SRSF4: variants seen among roughly 807,000 people sequenced by gnomAD.
The protein encoded by SRSF4 is serine/arginine-rich splicing factor 4.
SRSF4 carries 12 observed loss-of-function variants against 48.8 expected under a neutral mutation model. That is an observed-to-expected ratio of 0.25 (90% CI 0.16 to 0.40). The LOEUF is 0.40. Among genes scored for constraint, SRSF4 ranks in the 10% least tolerant of loss-of-function variants. The probability of loss-of-function intolerance (pLI) is 1.00; values close to 1 mark genes in which losing one functional copy is unlikely to be tolerated. For missense variants in SRSF4, 466 were observed against 667.1 expected (o/e 0.70, Z 3.32); for synonymous variants, 248 against 232.5 (o/e 1.07, Z -0.61).
intron 1 of SRSF4, among the ~76,000 whole-genome samples, chr1:29,177,967 T>A (rs1672894947): frequency 6.9e-6 from 1 of 144,828 alleles, no homozygotes; most frequent in South Asian, 2.3e-4. Flanking sequence ...TGATGCAATC[T>A]CTGCTCACTG....
chr1:29,181,139 C>T (rs1672948948), intron 1 of SRSF4, among the ~76,000 whole-genome samples: 1 of 152,272 alleles, frequency 6.6e-6, no homozygotes, highest in African/African-American at 2.4e-5. Context: ...AAAAGCGTGG[C>T]ACACGGCTAA....
chr1:29,150,741 T>G (rs1307338869), intron 4 of SRSF4, among the ~76,000 whole-genome samples: 3 of 152,184 alleles, frequency 2.0e-5, no homozygotes, highest in Non-Finnish European at 4.4e-5. Flanking sequence ...GCTCCTTATG[T>G]GCACTGATGC....
Position 29,148,822 on chromosome 1 carries a change from T to G in SRSF4, c.1073A>C (p.Lys358Thr). ...ACTGCGGCTCTCCTCTCTGCTTCTCTTCCTGCCCTTCCTCTTGTCCTTGCT... is the reference window on the plus strand; with the variant it reads ...ACTGCGGCTCTCCTCTCTGCTTCTCGTCCTGCCCTTCCTCTTGTCCTTGCT... Reference protein sequence around the residue: ...SKSKDKRKGRKRSREESRSRS... With the variant: ...SKSKDKRKGRTRSREESRSRS... Residue 358 changes from lysine (K) to threonine (T), a missense_variant, in exon 6 of 6, where the codon AAG becomes ACG. Lys to Thr is a moderately conservative substitution (Grantham distance 78, BLOSUM62 -1). Transcript: ENST00000373795. 6.2e-7 allele frequency: 1 copy of G among 1,608,472 alleles called. No individual in the cohort carries two copies. The highest frequency in any genetic ancestry group is 2.2e-5 in the East Asian group (1 of 44,758).
In SRSF4 at chr1:29,150,093, G is replaced by C; in HGVS notation, c.668+10C>G. The C allele has an allele frequency of 1.3e-6, 2 of 1,554,948 alleles. No homozygotes were observed. Among genetic ancestry groups the C allele is most frequent in the Non-Finnish European group, 1.7e-6 (2 of 1,151,194 alleles). On this transcript the variant is annotated intron_variant, in intron 5 of 5. Transcript: ENST00000373795. Reference sequence around the variant, plus strand: ...GCTGACCACCTCTACTTATAACATGGAAGACATACCTGGACCGAGATCTAC... The same window carrying C: ...GCTGACCACCTCTACTTATAACATGCAAGACATACCTGGACCGAGATCTAC...
intron 1 of SRSF4, among the ~76,000 whole-genome samples, chr1:29,176,434 C>A (rs1038012326): frequency 1.3e-5 from 2 of 148,568 alleles, no homozygotes; most frequent in South Asian, 4.2e-4. Flanking sequence ...AATACGGTAA[C>A]GATGAATGAC....
In SRSF4 at chr1:29,148,303, A is replaced by C. The variant is rs1574186371; in HGVS notation, c.*107T>G. ...ACAATTATAGACACACCATTAGGGG[A>C]GTTAAAAATGTACAGCAGTGACATG... On this transcript the variant is annotated 3_prime_UTR_variant, in exon 6 of 6. Transcript: ENST00000373795. 2 of 1,381,810 alleles carry C rather than the reference A, an allele frequency of 1.4e-6. No homozygotes were observed. The highest frequency in any genetic ancestry group is 4.6e-5 in the East Asian group (2 of 43,426). The allele number at this position is 1,381,810 out of a possible 1,614,324, so 85.6% of individuals were successfully genotyped here. A position where few individuals can be genotyped will look rare whatever the true frequency, so the allele number is the denominator to read the frequency against.
chr1:29,180,209 C>G (rs1672933711), intron 1 of SRSF4, among the ~76,000 whole-genome samples: 1 of 152,174 alleles, frequency 6.6e-6, no homozygotes, highest in Non-Finnish European at 1.5e-5. Flanking sequence ...CACACTTTGT[C>G]CACAAAAGTT....
In SRSF4 at chr1:29,148,779, G is replaced by GCTGCGGCTGCGACTGCGA. The variant is rs776957981; in HGVS notation, c.1098_1115dup (p.Arg367_Ser372dup). 5.6e-6 allele frequency: 9 copies of GCTGCGGCTGCGACTGCGA among 1,613,314 alleles called. No homozygotes were observed. The East Asian group carries it at 1.8e-4, about 32-fold the overall frequency. ...CTCGCTTTCTGCTCCTCTCACTCTT[G>GCTGCGGCTGCGACTGCGA]CTGCGGCTGCGACTGCGACTGCGGC... On this transcript the variant is annotated inframe_insertion, in exon 6 of 6. Transcript: ENST00000373795.
chr1:29,149,687 G>GAAA (rs539756933), intron 5 of SRSF4, among the ~76,000 whole-genome samples: 9 of 92,564 alleles, frequency 9.7e-5, no homozygotes, highest in South Asian at 4.2e-4. Context: ...TCTTGAGGGG[G>GAAA]GAAAAAAAAA....
chr1:29,152,922 C>CAA lies in SRSF4; in HGVS notation c.578+1772_578+1773dup, dbSNP rs35153002. 1.1e-3 allele frequency among the ~76,000 whole-genome samples: 150 copies of CAA among 141,314 alleles called. 1 individual carries two copies. Among genetic ancestry groups the CAA allele is most frequent in the South Asian group, 1.8e-3 (8 of 4,404 alleles). The allele number at this position is 141,314 out of a possible 152,430, so 92.7% of individuals were successfully genotyped here. A position where few individuals can be genotyped will look rare whatever the true frequency, so the allele number is the denominator to read the frequency against. On this transcript the variant is annotated intron_variant, in intron 4 of 5. Transcript: ENST00000373795. ...TGACAGAGTGAAAGAAACTCCGTCT[C>CAA]AAAAAAAAAAAAAGAAAGAAAGAAA...
At chr1:29,165,200 G>A (rs1421124114) in intron 1 of SRSF4, among the ~76,000 whole-genome samples, 1 of 152,162 alleles carries the variant, frequency 6.6e-6, no homozygotes, top group Non-Finnish European at 1.5e-5. Flanking sequence ...GGCACCATGA[G>A]TCTTACCAAG....
chr1:29,171,995 C>T (rs1672751436), intron 1 of SRSF4: 1 of 152,132 alleles, frequency 6.6e-6, no homozygotes. Context: ...GCAATTTACG[C>T]TGTTAACATT....
Position 29,147,837 on chromosome 1 carries a change from TTTTC to T in SRSF4, c.*569_*572del, listed in dbSNP as rs1165422159. Reference sequence around the variant, plus strand: ...GGAAAAATAAAATTAAAAAAAATTCTTTTCTTTTCTTTTTTAATATAAAACAATA... The same window carrying T: ...GGAAAAATAAAATTAAAAAAAATTCTTTTTCTTTTTTAATATAAAACAATA... On this transcript the variant is annotated 3_prime_UTR_variant, in exon 6 of 6. Coordinates refer to ENST00000373795, the MANE Select transcript of SRSF4 (RefSeq NM_005626.5). 2 of 176,118 alleles carry T rather than the reference TTTTC, an allele frequency of 1.1e-5. No homozygotes were observed. The highest frequency in any genetic ancestry group is 2.4e-5 in the African/African-American group (1 of 42,028). The allele number at this position is 176,118 out of a possible 1,614,324, so 10.9% of individuals were successfully genotyped here.
chr1:29,178,750 G>A (rs535597275), intron 1 of SRSF4, among the ~76,000 whole-genome samples: 2 of 152,272 alleles, frequency 1.3e-5, no homozygotes, highest in Middle Eastern at 3.4e-3. Context: ...GCTTACATAC[G>A]TAGCTAAGTT....
At chr1:29,165,588 A>G (rs1672659037) in intron 1 of SRSF4, among the ~76,000 whole-genome samples, 1 of 152,238 alleles carries the variant, frequency 6.6e-6, no homozygotes, top group Admixed American at 6.5e-5. Flanking sequence ...TCTTTTCAGA[A>G]CAGCTTAGGG....
At chr1:29,156,888 T>A (rs1356614827) in intron 3 of SRSF4, among the ~76,000 whole-genome samples, 2 of 152,210 alleles carry the variant, frequency 1.3e-5, no homozygotes, top group African/African-American at 4.8e-5. Context: ...GTCTCCACAC[T>A]ATTTACTGAG....
rs534551517 is a variant in SRSF4 at position 29,160,651 on chromosome 1, T to G, written c.108-134A>C. 6.4e-5 allele frequency: 65 copies of G among 1,009,580 alleles called. 1 individual carries two copies. In the South Asian group the frequency reaches 1.2e-3, roughly 18 times the overall value. The allele number at this position is 1,009,580 out of a possible 1,614,324, so 62.5% of individuals were successfully genotyped here. ...TGCAAACTAAGGATCAACTTTGTCT[T>G]CTCTTCAGGTGAAACCACTTTGCTT... On this transcript the variant is annotated intron_variant, in intron 1 of 5. Coordinates refer to ENST00000373795, the MANE Select transcript of SRSF4 (RefSeq NM_005626.5).
intron 1 of SRSF4, chr1:29,169,873 G>A (rs1354317575): frequency 6.6e-6 from 1 of 152,178 alleles, no homozygotes; most frequent in Non-Finnish European, 1.5e-5. Flanking sequence ...AGGTAGAGAG[G>A]AATCTGCATC....
chr1:29,160,539 A>G (rs961005668), intron 1 of SRSF4, 22 bp from the exon 2 acceptor site: 3 of 1,579,292 alleles, frequency 1.9e-6, no homozygotes, highest in Admixed American at 1.9e-5. Flanking sequence ...CAAAGAAAAT[A>G]CTGGTTGGTA....
Sources: allele counts gnomAD v4.1 joint callset (sites outside exome capture counted in the v4.1 genomes callset), GRCh38; gene constraint gnomAD v4.1.1; transcripts MANE v1.5; gene names NCBI Gene and HGNC (gene_info 2026-07-23, HGNC 2026-07-21).